Variants in PDE4B observed in about 807,000 individuals in gnomAD.
PDE4B encodes phosphodiesterase 4B.
In PDE4B, 20 loss-of-function variants were observed where a neutral mutation model predicts 82.2. That is an observed-to-expected ratio of 0.24 (90% CI 0.17 to 0.35). The LOEUF is 0.35. Among genes scored for constraint, PDE4B ranks in the 10% least tolerant of loss-of-function variants. The pLI, the probability that PDE4B is intolerant of heterozygous loss-of-function variation, is 1.00. For synonymous variants in PDE4B, 320 were observed against 318.9 expected (o/e 1.00, Z -0.04); for missense variants, 655 against 907.2 (o/e 0.72, Z 3.57).
At chr1:65,896,399 T>C (rs1175046822) in intron 1 of PDE4B, among the ~76,000 whole-genome samples, 1 of 152,160 alleles carries the variant, frequency 6.6e-6, no homozygotes, top group Non-Finnish European at 1.5e-5. Context: ...CCTCCCACTG[T>C]GTCCCTCCCA....
intron 3 of PDE4B, among the ~76,000 whole-genome samples, chr1:65,919,786 G>A (rs955923241): frequency 7.2e-5 from 11 of 152,118 alleles, no homozygotes. Flanking sequence ...GGGCTGATGA[G>A]TAGCCCAGTA....
intron 3 of PDE4B, among the ~76,000 whole-genome samples, chr1:65,922,743 TATTC>T (rs1033249575): frequency 1.2e-4 from 18 of 152,224 alleles, no homozygotes; most frequent in African/African-American, 4.3e-4. Context: ...AAGATTAAAT[TATTC>T]ATTCTCTCTG....
chr1:65,942,383 G>T (rs1348805439), intron 3 of PDE4B, among the ~76,000 whole-genome samples: 2 of 151,502 alleles, frequency 1.3e-5, no homozygotes, highest in Non-Finnish European at 2.9e-5. Context: ...AAAGAATAAA[G>T]AATATTTCTT....
chr1:66,076,334 A>G (rs1013999375), intron 3 of PDE4B, among the ~76,000 whole-genome samples: 7 of 152,144 alleles, frequency 4.6e-5, no homozygotes, highest in African/African-American at 1.7e-4. Context: ...AGCTGCATCT[A>G]CGTTGCTGCA....
chr1:65,804,302 A>G (rs186504110), intron 1 of PDE4B, among the ~76,000 whole-genome samples: 56 of 152,344 alleles, frequency 3.7e-4, no homozygotes, highest in African/African-American at 1.2e-3. Context: ...TTGAAGATCA[A>G]TGCTAATGTG....
chr1:65,982,552 A>T (rs150704501), intron 3 of PDE4B, among the ~76,000 whole-genome samples: 14 of 152,292 alleles, frequency 9.2e-5, no homozygotes, highest in African/African-American at 3.1e-4. Flanking sequence ...CCAATCAACC[A>T]TCTCAGCAAA....
At chr1:66,113,016 T>C (rs1645520539) in intron 3 of PDE4B, among the ~76,000 whole-genome samples, 1 of 152,228 alleles carries the variant, frequency 6.6e-6, no homozygotes, top group Admixed American at 6.5e-5. Flanking sequence ...TTGGTTCCTT[T>C]TCTCTCTTGG....
At chr1:66,171,463 TGTC>T (rs1475475047) in intron 3 of PDE4B, among the ~76,000 whole-genome samples, 3 of 152,216 alleles carry the variant, frequency 2.0e-5, no homozygotes, top group African/African-American at 7.2e-5. Context: ...ATATAACTAA[TGTC>T]ATTGTAATTT....
rs1006211945 is a variant in PDE4B at position 66,331,900 on chromosome 1, A to G, written c.635-608A>G. The G allele has an allele frequency of 6.1e-6, 6 of 988,966 alleles. No individual in the cohort carries two copies. The Admixed American group carries it at 3.6e-4, about 59-fold the overall frequency. The allele number at this position is 988,966 out of a possible 1,614,324, so 61.3% of individuals were successfully genotyped here. A position where few individuals can be genotyped will look rare whatever the true frequency, so the allele number is the denominator to read the frequency against. ...TTTAAGGGAGAGAAAGGAATAGCCT[A>G]TGCCTCTTACTTGTGCGGGTCAGTG... On this transcript the variant is annotated intron_variant, in intron 7 of 16. Coordinates refer to ENST00000341517, the MANE Select transcript of PDE4B (RefSeq NM_002600.4).
At chr1:66,200,991 A>G (rs1648874085) in intron 3 of PDE4B, among the ~76,000 whole-genome samples, 1 of 152,154 alleles carries the variant, frequency 6.6e-6, no homozygotes, top group Non-Finnish European at 1.5e-5. Flanking sequence ...TTTGTCATAG[A>G]TAGCTCTTAT....
intron 3 of PDE4B, among the ~76,000 whole-genome samples, chr1:66,215,535 A>C (rs1459645041): frequency 1.3e-5 from 2 of 152,142 alleles, no homozygotes; most frequent in Non-Finnish European, 2.9e-5. Context: ...TGGCCATGTT[A>C]CTGCTGGTCA....
intron 3 of PDE4B, among the ~76,000 whole-genome samples, chr1:66,145,324 T>C (rs1646248470): frequency 6.6e-6 from 1 of 152,042 alleles, no homozygotes; most frequent in Non-Finnish European, 1.5e-5. Flanking sequence ...GATGGTTAAT[T>C]AGTAGGAAGC....
chr1:65,933,296 A>T (rs1440885564), intron 3 of PDE4B, among the ~76,000 whole-genome samples: 1 of 152,046 alleles, frequency 6.6e-6, no homozygotes, highest in Non-Finnish European at 1.5e-5. Flanking sequence ...AGGGAGTGGG[A>T]TGATATATTC....
rs767600008 is a variant in PDE4B at position 66,333,130 on chromosome 1, T to G, written c.747+510T>G. Among the ~76,000 whole-genome samples, 32 of 152,238 alleles carry G rather than the reference T, an allele frequency of 2.1e-4. 1 individual carries two copies. Among genetic ancestry groups the G allele is most frequent in the Admixed American group, 5.9e-4 (9 of 15,278 alleles). The stretch of plus-strand genomic sequence containing the variant: ...ATCCTGGGATTTTCTAAGATTTCTT[T>G]TGCGATGCTGGCATGACCTAAGATA... On this transcript the variant is annotated intron_variant, in intron 8 of 16. Transcript: ENST00000341517.
intron 3 of PDE4B, among the ~76,000 whole-genome samples, chr1:65,925,222 A>G (rs371701051): frequency 3.5e-4 from 54 of 152,334 alleles, no homozygotes; most frequent in African/African-American, 1.2e-3. Flanking sequence ...TAGCTAATGC[A>G]TGCTGGGCTT....
At chr1:66,067,495 A>G (rs1026563260) in intron 3 of PDE4B, among the ~76,000 whole-genome samples, 4 of 152,050 alleles carry the variant, frequency 2.6e-5, no homozygotes, top group Admixed American at 1.3e-4. Context: ...TATTTTGAGA[A>G]GTGTCTGTTC....
intron 1 of PDE4B, among the ~76,000 whole-genome samples, chr1:65,887,408 T>A (rs1361840674): frequency 1.6e-5 from 1 of 61,298 alleles, no homozygotes; most frequent in African/African-American, 7.2e-5. Flanking sequence ...TTTTTCTTTT[T>A]CTTCTGTTTT....
At chr1:65,987,871 C>A (rs989251504) in intron 3 of PDE4B, among the ~76,000 whole-genome samples, 2 of 152,218 alleles carry the variant, frequency 1.3e-5, no homozygotes, top group Non-Finnish European at 2.9e-5. Context: ...GCATTGGCCT[C>A]CCAAAGTGCT....
intron 13 of PDE4B, 148 bp from the exon 14 acceptor site, chr1:66,367,548 G>A: frequency 1.6e-6 from 1 of 618,064 alleles, no homozygotes; most frequent in Non-Finnish European, 2.7e-6. Flanking sequence ...TTTGTAGAGG[G>A]CCACTGCTTC....
Sources: gnomAD v4.1 joint callset for allele counts (sites outside exome capture counted in the v4.1 genomes callset) on GRCh38, gnomAD v4.1.1 for gene constraint, MANE v1.5 for transcripts, NCBI Gene and HGNC (gene_info 2026-07-23, HGNC 2026-07-21) for gene names.